CBX5: variants seen among roughly 807,000 people sequenced by gnomAD.
CBX5 encodes the protein chromobox 5.
CBX5 carries 7 observed loss-of-function variants against 20.7 expected under a neutral mutation model. The ratio of observed to expected loss-of-function variants is 0.34; its 90% confidence interval spans 0.19 to 0.63. CBX5 has a LOEUF of 0.63. Ranked by LOEUF, CBX5 falls within the 30% of genes least tolerant of loss-of-function variation. The pLI is 0.75. For missense variants in CBX5, 110 were observed against 224.1 expected, an observed-to-expected ratio of 0.49 and a Z score of 3.25; for synonymous variants, 78 against 77.0, an observed-to-expected ratio of 1.01 and a Z score of -0.07.
intron 1 of CBX5, among the ~76,000 whole-genome samples, chr12:54,269,758 T>C (rs1482586370): frequency 6.6e-6 from 1 of 152,194 alleles, no homozygotes; most frequent in Non-Finnish European, 1.5e-5. Flanking sequence ...ATAGGGCTAG[T>C]AAGGTTCTGA....
At chr12:54,266,219 G>A (rs570639380) in intron 1 of CBX5, among the ~76,000 whole-genome samples, 12 of 151,704 alleles carry the variant, frequency 7.9e-5, no homozygotes, top group Admixed American at 3.9e-4. Context: ...CCAACATGGC[G>A]AAACCACGTC....
chr12:54,260,938 C>A (rs1203777493), intron 1 of CBX5, among the ~76,000 whole-genome samples: 1 of 152,124 alleles, frequency 6.6e-6, no homozygotes, highest in Admixed American at 6.5e-5. Flanking sequence ...CACCTGTAAT[C>A]CCAGCACTTT....
intron 1 of CBX5, chr12:54,278,812 C>A (rs1944096487): frequency 6.6e-6 from 1 of 152,054 alleles, no homozygotes; most frequent in South Asian, 2.1e-4. Flanking sequence ...CTTTTTTATT[C>A]CAAAGTCAGA....
intron 1 of CBX5, among the ~76,000 whole-genome samples, chr12:54,275,944 C>T (rs917001041): frequency 1.4e-5 from 2 of 144,320 alleles, no homozygotes; most frequent in African/African-American, 2.6e-5. Context: ...GAGTCAAGAT[C>T]GTGCCACCGC....
At chr12:54,260,957 G>C (rs946744137) in intron 1 of CBX5, among the ~76,000 whole-genome samples, 1 of 152,024 alleles carries the variant, frequency 6.6e-6, no homozygotes, top group Non-Finnish European at 1.5e-5. Context: ...TTGGGAAGCC[G>C]AGGCAGGTGG....
At chr12:54,242,048 T>A (rs1223051146) in intron 4 of CBX5, 143 bp from the exon 5 acceptor site, 1 of 674,916 alleles carries the variant, frequency 1.5e-6, no homozygotes, top group African/African-American at 1.8e-5. Context: ...CTTTCAATAT[T>A]TTCAAGAAGA....
At chr12:54,260,513 AT>A (rs1943905883) in intron 1 of CBX5, among the ~76,000 whole-genome samples, 2 of 152,110 alleles carry the variant, frequency 1.3e-5, no homozygotes, top group South Asian at 4.1e-4. Flanking sequence ...AACAAAATGA[AT>A]TTAGGTGGAA....
intron 4 of CBX5, 63 bp downstream of exon 4, chr12:54,246,052 C>T: frequency 9.1e-7 from 1 of 1,093,718 alleles, no homozygotes; most frequent in Non-Finnish European, 1.4e-6. Flanking sequence ...ACCCTATCTT[C>T]CACACAAATT....
intron 1 of CBX5, among the ~76,000 whole-genome samples, chr12:54,265,574 G>T (rs190208183): frequency 4.6e-5 from 7 of 151,302 alleles, no homozygotes; most frequent in African/African-American, 1.5e-4. Context: ...TTAAATGTCT[G>T]TTTAAGAGAC....
Position 54,238,278 on chromosome 12 carries a change from C to T in CBX5, c.*3477G>A, listed in dbSNP as rs1450527269. On this transcript the variant is annotated 3_prime_UTR_variant, in exon 5 of 5. Transcript: ENST00000209875. ...AATCACTTTGGAATTCTGAGACTAC[C>T]TCCAAGAATCATCCACGGAAGGATG... The T allele has an allele frequency of 6.6e-6, 1 of 152,122 alleles. No homozygotes were observed. The highest frequency in any genetic ancestry group is 1.5e-5 in the Non-Finnish European group (1 of 68,000). 9.4% of individuals were successfully genotyped at this position (152,122 alleles called of 1,614,324 possible). A position where few individuals can be genotyped will look rare whatever the true frequency, so the allele number is the denominator to read the frequency against.
rs1491432364 is a variant in CBX5, at chr12:54,240,414, A to AG, written c.*1340dup. The AG allele has an allele frequency of 6.6e-6, 1 of 152,138 alleles. No individual in the cohort carries two copies. The highest frequency in any genetic ancestry group is 1.9e-4 in the East Asian group (1 of 5,208). 9.4% of individuals were successfully genotyped at this position (152,138 alleles called of 1,614,324 possible). A position where few individuals can be genotyped will look rare whatever the true frequency, so the allele number is the denominator to read the frequency against. ...ATTTTTATTTATATTTTTTAGAGACAGGGGGTCTCACTACATTGCCCAGGC... is the reference window on the plus strand; with the variant it reads ...ATTTTTATTTATATTTTTTAGAGACAGGGGGGTCTCACTACATTGCCCAGGC... On this transcript the variant is annotated 3_prime_UTR_variant, in exon 5 of 5. Transcript: ENST00000209875.
chr12:54,246,775 C>A (rs189106755), intron 3 of CBX5, among the ~76,000 whole-genome samples: 10 of 134,674 alleles, frequency 7.4e-5, no homozygotes, highest in Non-Finnish European at 1.2e-4. Flanking sequence ...AGCAAGACTC[C>A]GTCTCAAAAA....
intron 1 of CBX5, among the ~76,000 whole-genome samples, chr12:54,260,725 G>T (rs935755698): frequency 1.7e-4 from 26 of 152,114 alleles, no homozygotes; most frequent in Admixed American, 7.2e-4. Flanking sequence ...GGAGTACTAG[G>T]ATAAATAAAA....
In CBX5 at chr12:54,237,221, GA is replaced by G. The variant is rs1452711948; in HGVS notation, c.*4533del. 1 of 152,054 alleles carries G rather than the reference GA, an allele frequency of 6.6e-6. No homozygotes were observed. The highest frequency in any genetic ancestry group is 1.5e-5 in the Non-Finnish European group (1 of 68,032). The allele number at this position is 152,054 out of a possible 1,614,324, so 9.4% of individuals were successfully genotyped here. A position where few individuals can be genotyped will look rare whatever the true frequency, so the allele number is the denominator to read the frequency against. ...TATAATGAGAATATATCAATAGCAG[GA>G]AATCTACTTTCACACATGGCAAACC... is the stretch of plus-strand genomic sequence containing the variant. On this transcript the variant is annotated 3_prime_UTR_variant, in exon 5 of 5. Coordinates refer to ENST00000209875, the MANE Select transcript of CBX5 (RefSeq NM_012117.3).
intron 4 of CBX5, among the ~76,000 whole-genome samples, chr12:54,243,279 G>C (rs1943697402): frequency 6.6e-6 from 1 of 151,742 alleles, no homozygotes; most frequent in Non-Finnish European, 1.5e-5. Context: ...TGGCTGAGTA[G>C]GAAAAAGCAG....
intron 3 of CBX5, among the ~76,000 whole-genome samples, chr12:54,248,731 C>T (rs1943762801): frequency 6.6e-6 from 1 of 152,180 alleles, no homozygotes; most frequent in Admixed American, 6.5e-5. Flanking sequence ...AACGTTCAAG[C>T]TGCTGAAAAG....
Position 54,233,068 on chromosome 12 carries a change from T to C in CBX5, c.*8687A>G, listed in dbSNP as rs983255678. On this transcript the variant is annotated 3_prime_UTR_variant, in exon 5 of 5. Coordinates refer to ENST00000209875, the MANE Select transcript of CBX5 (RefSeq NM_012117.3). ...TACTACATCACATCCCTCCCCACAA[T>C]ACCCAGAGGGCTGCATTTTTCCAAC... The C allele has an allele frequency of 1.3e-5, 2 of 152,110 alleles. No homozygotes were observed. The highest frequency in any genetic ancestry group is 2.4e-5 in the African/African-American group (1 of 41,424). 9.4% of individuals were successfully genotyped at this position (152,110 alleles called of 1,614,324 possible).
chr12:54,243,077 T>C (rs142380866), intron 4 of CBX5, among the ~76,000 whole-genome samples: 2,252 of 151,980 alleles, frequency 0.015, 53 homozygotes, highest in African/African-American at 0.052. Flanking sequence ...TGAGCTGAGA[T>C]TGAACCACTG....
intron 3 of CBX5, among the ~76,000 whole-genome samples, chr12:54,250,761 C>T (rs1409401295): frequency 5.9e-5 from 7 of 119,066 alleles, no homozygotes; most frequent in African/African-American, 1.0e-4. Flanking sequence ...GCCGAGATTG[C>T]GCCACTGCAG....
Sources: allele counts gnomAD v4.1 joint callset (sites outside exome capture counted in the v4.1 genomes callset), GRCh38; gene constraint gnomAD v4.1.1; transcripts MANE v1.5; gene names NCBI Gene and HGNC (gene_info 2026-07-23, HGNC 2026-07-21).